The following RFC3 variants were observed in gnomAD, a reference collection of about 807,000 sequenced individuals.
RFC3 encodes the protein replication factor C subunit 3, also known as A1 38 kDa subunit.
Under a neutral mutation model 45.1 loss-of-function variants are expected in RFC3, and 41 were observed. The ratio of observed to expected loss-of-function variants is 0.91; its 90% CI spans 0.71 to 1.18. The LOEUF (loss-of-function observed/expected upper bound fraction) is 1.18. Among genes scored for constraint, RFC3 ranks in the 50% most tolerant of loss-of-function variants. RFC3 has a pLI of 0.00. For missense variants in RFC3, 423 were observed against 428.1 expected, an observed-to-expected ratio of 0.99 and a Z score of 0.10; for synonymous variants, 149 against 144.0, an observed-to-expected ratio of 1.03 and a Z score of -0.25.
At chr13:33,913,748 AGTTACT>A (rs1337079841) in intron 8 of RFC3, among the ~76,000 whole-genome samples, 1 of 152,108 alleles carries the variant, frequency 6.6e-6, no homozygotes, top group Non-Finnish European at 1.5e-5. Context: ...AATCTCTGGT[AGTTACT>A]GTTGCTGTTA....
intron 7 of RFC3, among the ~76,000 whole-genome samples, chr13:33,834,391 CT>C (rs796351523): frequency 0.038 from 4,867 of 128,616 alleles, 132 homozygotes; most frequent in African/African-American, 0.077. Context: ...AACTTTCTCT[CT>C]TTTTTTTTTT....
intron 8 of RFC3, among the ~76,000 whole-genome samples, chr13:33,867,344 G>A (rs2082379938): frequency 6.6e-6 from 1 of 152,188 alleles, no homozygotes; most frequent in Non-Finnish European, 1.5e-5. Context: ...GTAAAGTAAT[G>A]ACCCACCTAT....
intron 8 of RFC3, among the ~76,000 whole-genome samples, chr13:33,920,529 A>C (rs1388438358): frequency 1.3e-5 from 2 of 150,402 alleles, no homozygotes; most frequent in African/African-American, 4.9e-5. Flanking sequence ...CCTAGGCTCA[A>C]GTGATCCTCC....
At chr13:33,960,806 T>C (rs1319787855) in intron 8 of RFC3, among the ~76,000 whole-genome samples, 1 of 152,208 alleles carries the variant, frequency 6.6e-6, no homozygotes, top group Non-Finnish European at 1.5e-5. Context: ...CAGGTGACCC[T>C]GAACATGCAA....
chr13:33,877,526 T>C (rs1165697389), intron 8 of RFC3, among the ~76,000 whole-genome samples: 1 of 152,172 alleles, frequency 6.6e-6, no homozygotes, highest in East Asian at 1.9e-4. Context: ...TTCTACAGGC[T>C]ATAGCTTTCC....
At chr13:33,966,719 T>C (rs753782017), downstream of RFC3, among the ~76,000 whole-genome samples, 4 of 152,208 alleles carry the variant, frequency 2.6e-5, no homozygotes, top group Non-Finnish European at 5.9e-5. Context: ...ATGAGCACTT[T>C]GAGTTCTCAG....
intron 8 of RFC3, among the ~76,000 whole-genome samples, chr13:33,935,943 TGAACA>T (rs2082883442): frequency 6.6e-6 from 1 of 152,210 alleles, no homozygotes; most frequent in African/African-American, 2.4e-5. Flanking sequence ...AGCTGCTGCA[TGAACA>T]GCATGGGCAG....
chr13:33,941,180 C>G (rs2082921766), intron 8 of RFC3, among the ~76,000 whole-genome samples: 1 of 151,842 alleles, frequency 6.6e-6, no homozygotes, highest in South Asian at 2.1e-4. Context: ...ACCTGGGAAT[C>G]AGTCTGTGAG....
chr13:33,821,713 T>G (rs937033894), intron 2 of RFC3, among the ~76,000 whole-genome samples: 1 of 152,196 alleles, frequency 6.6e-6, no homozygotes, highest in Non-Finnish European at 1.5e-5. Context: ...TCTGGGAAGT[T>G]GAGAGGCTTT....
chr13:33,924,127 C>G (rs2137743582), intron 8 of RFC3, among the ~76,000 whole-genome samples: 1 of 152,136 alleles, frequency 6.6e-6, no homozygotes, highest in East Asian at 1.9e-4. Flanking sequence ...TGCTTACAGA[C>G]CTAAACTCTA....
chr13:33,892,409 A>G (rs2137638108), intron 8 of RFC3, among the ~76,000 whole-genome samples: 1 of 152,334 alleles, frequency 6.6e-6, no homozygotes, highest in Middle Eastern at 3.4e-3. Flanking sequence ...CTCAGCCTGA[A>G]AACATCTTAT....
intron 8 of RFC3, among the ~76,000 whole-genome samples, chr13:33,886,820 T>C (rs2082528075): frequency 2.2e-5 from 3 of 137,338 alleles, no homozygotes; most frequent in Admixed American, 7.9e-5. Flanking sequence ...GAGTGTGATG[T>C]TCCCCTTCCT....
chr13:33,948,114 G>GAT (rs1209483419), intron 8 of RFC3, among the ~76,000 whole-genome samples: 1 of 152,170 alleles, frequency 6.6e-6, no homozygotes. Context: ...TTCCATCACA[G>GAT]ACCGAGACCT....
At chr13:33,888,866 C>T (rs1198923369) in intron 8 of RFC3, among the ~76,000 whole-genome samples, 2 of 151,932 alleles carry the variant, frequency 1.3e-5, no homozygotes, top group African/African-American at 4.8e-5. Flanking sequence ...CTGTCTCAGC[C>T]TCCTGAGTAG....
rs1455764463 is a variant in RFC3 at position 33,932,868 on chromosome 13, G to T, written c.880-33219G>T. Reference sequence around the variant, plus strand: ...CCTGACATTGTGACAACAACGACTGGCTTTTGCTGTACATGTTTGCAAACA... The same window carrying T: ...CCTGACATTGTGACAACAACGACTGTCTTTTGCTGTACATGTTTGCAAACA... On this transcript the variant is annotated intron_variant, in intron 8 of 8. Coordinates refer to the RFC3 transcript ENST00000434425. Among the ~76,000 whole-genome samples the T allele has an allele frequency of 2.0e-5, 3 of 152,138 alleles. No individual in the cohort carries two copies. In the East Asian group the frequency reaches 5.8e-4, roughly 29 times the overall value.
At position 33,836,184 on chromosome 13, in the gene RFC3, T is replaced by C. The variant is rs753474549; in HGVS notation, c.960T>C (p.His320=). 1 of 1,613,366 alleles carries C rather than the reference T, an allele frequency of 6.2e-7. No individual in the cohort carries two copies. Among genetic ancestry groups the C allele is most frequent in the Non-Finnish European group, 8.5e-7 (1 of 1,179,538 alleles). Reference sequence around the variant, plus strand: ...CACAAATGGCAGCTTACTATGAGCATCGTCTACAGCTGGGTAGCAAAGCCA... The same window carrying C: ...CACAAATGGCAGCTTACTATGAGCACCGTCTACAGCTGGGTAGCAAAGCCA... The part of the protein sequence containing the change: ...EVAQMAAYYE[H]RLQLGSKAIY... Residue 320 remains histidine, a synonymous_variant, in exon 9 of 9, where the codon CAT becomes CAC. Transcript: ENST00000380071.
At chr13:33,851,212 TCTA>T (rs1206123496) in intron 8 of RFC3, among the ~76,000 whole-genome samples, 3 of 148,602 alleles carry the variant, frequency 2.0e-5, no homozygotes, top group Admixed American at 2.0e-4. Flanking sequence ...CAAGGGAAAA[TCTA>T]CTAATTTTTC....
chr13:33,920,331 ATTG>A (rs1195728606), intron 8 of RFC3, among the ~76,000 whole-genome samples: 2 of 148,298 alleles, frequency 1.3e-5, no homozygotes, highest in Non-Finnish European at 3.0e-5. Flanking sequence ...TGATTGGATG[ATTG>A]AGTTGGGGTG....
At chr13:33,880,363 T>A (rs1174663398) in intron 8 of RFC3, among the ~76,000 whole-genome samples, 1 of 152,116 alleles carries the variant, frequency 6.6e-6, no homozygotes, top group East Asian at 1.9e-4. Context: ...CATTGAGAAA[T>A]AGAGTACTAA....
Sources: allele counts gnomAD v4.1 joint callset (sites outside exome capture counted in the v4.1 genomes callset), GRCh38; gene constraint gnomAD v4.1.1; transcripts MANE v1.5; gene names NCBI Gene and HGNC (gene_info 2026-07-23, HGNC 2026-07-21).